The following NKAIN3 variants were observed in gnomAD, a reference collection of about 807,000 sequenced individuals.
NKAIN3 encodes sodium/potassium transporting ATPase interacting 3.
Under a neutral mutation model 30.2 loss-of-function variants are expected in NKAIN3, and 25 were observed. The observed-to-expected ratio is 0.83, with a 90% CI of 0.60 to 1.16. The LOEUF (loss-of-function observed/expected upper bound fraction) is 1.16. NKAIN3 is among the 50% of genes most tolerant of loss of function. The pLI, the probability that NKAIN3 is intolerant of heterozygous loss-of-function variation, is 0.00. For missense variants in NKAIN3, 225 were observed against 254.1 expected (o/e 0.89, Z 0.78); for synonymous variants, 91 against 89.6 (o/e 1.02, Z -0.09).
intron 5 of NKAIN3, among the ~76,000 whole-genome samples, chr8:62,926,981 C>T (rs183962936): frequency 6.6e-6 from 1 of 152,168 alleles, no homozygotes; most frequent in South Asian, 2.1e-4. Context: ...TCCACTAGGT[C>T]TTTTCCCTTC....
chr8:62,536,239 T>G (rs181360339), intron 1 of NKAIN3, among the ~76,000 whole-genome samples: 1 of 152,270 alleles, frequency 6.6e-6, no homozygotes, highest in East Asian at 1.9e-4. Flanking sequence ...AAAATAAATT[T>G]ATTATAATAA....
At chr8:62,740,326 G>T (rs1011220497) in intron 3 of NKAIN3, among the ~76,000 whole-genome samples, 7 of 152,084 alleles carry the variant, frequency 4.6e-5, no homozygotes, top group Non-Finnish European at 8.8e-5. Context: ...AAGTATATAT[G>T]GGCTTCTCTT....
chr8:62,850,369 G>C (rs1224387290), intron 4 of NKAIN3, among the ~76,000 whole-genome samples: 1 of 152,068 alleles, frequency 6.6e-6, no homozygotes, highest in Non-Finnish European at 1.5e-5. Context: ...TTTGTCAGAT[G>C]AGTAGATTGC....
At chr8:62,507,975 C>T (rs2129718989) in intron 1 of NKAIN3, among the ~76,000 whole-genome samples, 1 of 152,286 alleles carries the variant, frequency 6.6e-6, no homozygotes, top group South Asian at 2.1e-4. Context: ...TGCTGAAAAA[C>T]ATCTTAGTAT....
intron 1 of NKAIN3, among the ~76,000 whole-genome samples, chr8:62,303,101 C>T (rs1252931995): frequency 6.6e-6 from 1 of 150,398 alleles, no homozygotes; most frequent in Middle Eastern, 3.2e-3. Flanking sequence ...ACATTCAAAT[C>T]AGTAGGGACA....
intron 3 of NKAIN3, among the ~76,000 whole-genome samples, chr8:62,728,392 G>A (rs1815326551): frequency 6.6e-6 from 1 of 152,218 alleles, no homozygotes; most frequent in African/African-American, 2.4e-5. Context: ...GCCGGGTGCG[G>A]TGGCTCACAC....
intron 1 of NKAIN3, among the ~76,000 whole-genome samples, chr8:62,331,783 G>A (rs1879489): frequency 0.076 from 11,588 of 152,126 alleles, 539 homozygotes; most frequent in African/African-American, 0.11. Flanking sequence ...AGGTTATTAC[G>A]TATGTTGTCC....
At chr8:62,728,712 C>G (rs1415553913) in intron 3 of NKAIN3, among the ~76,000 whole-genome samples, 1 of 151,264 alleles carries the variant, frequency 6.6e-6, no homozygotes, top group African/African-American at 2.4e-5. Flanking sequence ...TACTCCTGGC[C>G]GGGCGCAGTG....
intron 3 of NKAIN3, among the ~76,000 whole-genome samples, chr8:62,682,140 C>T (rs1168606051): frequency 6.6e-6 from 1 of 152,120 alleles, no homozygotes; most frequent in Non-Finnish European, 1.5e-5. Flanking sequence ...CCCGGAGAGA[C>T]AGCCCAAATA....
At chr8:62,357,603 G>A (rs1302016033) in intron 1 of NKAIN3, among the ~76,000 whole-genome samples, 1 of 152,078 alleles carries the variant, frequency 6.6e-6, no homozygotes, top group East Asian at 1.9e-4. Context: ...CAAAACATCT[G>A]TTATTGCTCT....
chr8:62,685,993 G>A (rs1229487748), intron 3 of NKAIN3, among the ~76,000 whole-genome samples: 1 of 152,034 alleles, frequency 6.6e-6, no homozygotes, highest in Non-Finnish European at 1.5e-5. Context: ...TGGTGATTAT[G>A]GAAGCCATGG....
chr8:62,343,235 C>T (rs1815810337), intron 1 of NKAIN3, among the ~76,000 whole-genome samples: 1 of 152,014 alleles, frequency 6.6e-6, no homozygotes, highest in Non-Finnish European at 1.5e-5. Flanking sequence ...TTTGCCCTAC[C>T]TGTTATGCAA....
At chr8:62,249,308 C>A (rs898261591) in intron 1 of NKAIN3, among the ~76,000 whole-genome samples, 181 bp downstream of exon 1, 2 of 152,232 alleles carry the variant, frequency 1.3e-5, no homozygotes, top group Admixed American at 6.5e-5. Flanking sequence ...CGCGGGCACT[C>A]GCCAGGTCGC....
At chr8:62,317,456 G>A (rs1276500114) in intron 1 of NKAIN3, among the ~76,000 whole-genome samples, 1 of 152,142 alleles carries the variant, frequency 6.6e-6, no homozygotes, top group Non-Finnish European at 1.5e-5. Flanking sequence ...TTTTGTATAA[G>A]GTGTGAGGAA....
chr8:62,528,347 ATAT>A (rs201821191), intron 1 of NKAIN3, among the ~76,000 whole-genome samples: 5 of 68,528 alleles, frequency 7.3e-5, no homozygotes, highest in African/African-American at 1.7e-4. Context: ...TATAATATAT[ATAT>A]ATATGACTTT....
intron 3 of NKAIN3, among the ~76,000 whole-genome samples, chr8:62,640,019 C>T (rs1166007302): frequency 2.6e-5 from 4 of 152,082 alleles, no homozygotes; most frequent in South Asian, 2.1e-4. Context: ...TCTAATTTGA[C>T]GTTTAGCACT....
chr8:62,769,149 A>T, intron 4 of NKAIN3, among the ~76,000 whole-genome samples: 1 of 152,182 alleles, frequency 6.6e-6, no homozygotes, highest in East Asian at 1.9e-4. Flanking sequence ...TAGTCTAGTG[A>T]TCAAACAAAA....
chr8:62,837,831 G>A (rs138422331), intron 4 of NKAIN3, among the ~76,000 whole-genome samples: 424 of 152,110 alleles, frequency 2.8e-3, no homozygotes, highest in Non-Finnish European at 4.9e-3. Context: ...AATTAAACAT[G>A]AGTTAACATA....
chr8:62,580,355 A>T (rs1381650412), intron 2 of NKAIN3, among the ~76,000 whole-genome samples: 3 of 152,182 alleles, frequency 2.0e-5, no homozygotes, highest in Non-Finnish European at 4.4e-5. Context: ...CTTTTCTATA[A>T]CATAAAAGAG....
Sources: gnomAD v4.1 joint callset for allele counts (sites outside exome capture counted in the v4.1 genomes callset) on GRCh38, gnomAD v4.1.1 for gene constraint, MANE v1.5 for transcripts, NCBI Gene and HGNC (gene_info 2026-07-23, HGNC 2026-07-21) for gene names.